The following BBS4 variants were observed in gnomAD, a reference collection of about 807,000 sequenced individuals.
BBS4 encodes Bardet-Biedl syndrome 4, also known as BBSome complex member BBS4.
In BBS4, 58 loss-of-function variants were observed where a neutral mutation model predicts 71.4. The ratio of observed to expected loss-of-function variants is 0.81; its 90% confidence interval spans 0.66 to 1.01. BBS4 has a LOEUF of 1.01. Among genes scored for constraint, BBS4 ranks in the 50% least tolerant of loss-of-function variants. The pLI is 0.00. For missense variants in BBS4, 660 were observed against 607.9 expected, an observed-to-expected ratio of 1.09 and a Z score of -0.90; for synonymous variants, 228 against 216.8, an observed-to-expected ratio of 1.05 and a Z score of -0.46.
Position 72,712,295 on chromosome 15 carries a change from A to G in BBS4, c.208A>G (p.Ile70Val), listed in dbSNP as rs142692981. 365 of 1,613,830 alleles carry G rather than the reference A, an allele frequency of 2.3e-4. No homozygotes were observed. The African/African-American group carries it at 4.4e-3, about 20-fold the overall frequency. The part of the protein sequence containing the change: ...QETQGLCEYA[I>V]YVQALIFRLE... ...GACTCAGGGATTGTGTGAATATGCTATCTATGTCCAAGGTAAGACACATAC... is the reference window on the plus strand; with the variant it reads ...GACTCAGGGATTGTGTGAATATGCTGTCTATGTCCAAGGTAAGACACATAC... The change falls in exon 4 of 16, where the codon ATC becomes GTC. Residue 70 changes from isoleucine (I) to valine (V), a missense_variant. Coordinates refer to ENST00000268057, the MANE Select transcript of BBS4 (RefSeq NM_033028.5).
intron 3 of BBS4, among the ~76,000 whole-genome samples, chr15:72,710,632 G>GT (rs2065352542): frequency 1.3e-5 from 2 of 152,144 alleles, no homozygotes; most frequent in African/African-American, 4.8e-5. Flanking sequence ...CAGGCAGACA[G>GT]TGGTAGTACT....
intron 13 of BBS4, 166 bp from the exon 14 acceptor site, chr15:72,735,659 T>C: frequency 1.1e-6 from 1 of 892,078 alleles, no homozygotes; most frequent in Non-Finnish European, 1.8e-6. Flanking sequence ...CATTAACTCC[T>C]TGATTCTTCT....
At chr15:72,692,976 G>A (rs1042899325) in intron 1 of BBS4, among the ~76,000 whole-genome samples, 1 of 151,828 alleles carries the variant, frequency 6.6e-6, no homozygotes, top group African/African-American at 2.4e-5. Flanking sequence ...ATTTCCATCT[G>A]TTACCCCTCC....
chr15:72,725,437 C>A (rs1030026229), intron 8 of BBS4, among the ~76,000 whole-genome samples: 1 of 152,048 alleles, frequency 6.6e-6, no homozygotes, highest in Admixed American at 6.6e-5. Context: ...TGGTTCAAAA[C>A]TACATGATAG....
At chr15:72,721,030 G>A (rs748256634) in intron 6 of BBS4, among the ~76,000 whole-genome samples, 1 of 152,158 alleles carries the variant, frequency 6.6e-6, no homozygotes. Flanking sequence ...GACAAGAAAG[G>A]CTTTATTTCT....
At chr15:72,686,830 A>T (rs369984222) in intron 1 of BBS4, 7 of 331,976 alleles carry the variant, frequency 2.1e-5, no homozygotes, top group East Asian at 7.9e-5. Context: ...CTATAATTGG[A>T]TCTAATTTCG....
chr15:72,731,515 T>A lies in BBS4; in HGVS notation c.865-40T>A, dbSNP rs778742287. On this transcript the variant is annotated intron_variant, in intron 11 of 15. Transcript: ENST00000268057. ...TCTACATGTGGTTATTGGGTCTGTT[T>A]AGCTTGCCCTTCTCATTGAGTGCCC... 2.7e-5 allele frequency: 43 copies of A among 1,614,112 alleles called. 1 individual carries two copies. The South Asian group carries it at 4.6e-4, about 17-fold the overall frequency.
At chr15:72,725,797 TCCCCCATC>T (rs2065669422) in intron 8 of BBS4, among the ~76,000 whole-genome samples, 1 of 29,894 alleles carries the variant, frequency 3.3e-5, no homozygotes, top group Non-Finnish European at 6.1e-5. Flanking sequence ...CCTTCCCTCT[TCCCCCATC>T]CCCCTTCCCC....
chr15:72,721,718 T>C (rs2065580834), intron 6 of BBS4, among the ~76,000 whole-genome samples: 1 of 152,214 alleles, frequency 6.6e-6, no homozygotes, highest in Non-Finnish European at 1.5e-5. Context: ...TCAGTTGTTA[T>C]CTCTGAGCCT....
chr15:72,693,183 T>A (rs1334909021), intron 1 of BBS4, among the ~76,000 whole-genome samples: 1 of 152,274 alleles, frequency 6.6e-6, no homozygotes, highest in African/African-American at 2.4e-5. Context: ...TAGTTCTTAA[T>A]GTATTTTAAT....
rs1274748117 is a variant in BBS4 at position 72,736,899 on chromosome 15, G to A, written c.1386G>A (p.Leu462=). The change falls in exon 15 of 16, where the codon CTG becomes CTA. Residue 462 remains leucine (L), a synonymous_variant. Transcript: ENST00000268057. Reference sequence around the variant, plus strand: ...AACCTGCCAGTTTCCAGCAGCCTCTGGGCTCTAATCAAGCTCTAGGACAGG... The same window carrying A: ...AACCTGCCAGTTTCCAGCAGCCTCTAGGCTCTAATCAAGCTCTAGGACAGG... ...TSKPASFQQP[L]GSNQALGQAM... 1 of 1,614,190 alleles carries A rather than the reference G, an allele frequency of 6.2e-7. No homozygotes were observed. Among genetic ancestry groups the A allele is most frequent in the Non-Finnish European group, 8.5e-7 (1 of 1,180,042 alleles).
chr15:72,694,715 T>A (rs1045833283), intron 1 of BBS4, among the ~76,000 whole-genome samples: 2 of 152,156 alleles, frequency 1.3e-5, no homozygotes, highest in Non-Finnish European at 2.9e-5. Context: ...CATTTGATGG[T>A]TTTCTATGAG....
chr15:72,703,617 A>G (rs537174869), intron 2 of BBS4, among the ~76,000 whole-genome samples: 1 of 152,220 alleles, frequency 6.6e-6, no homozygotes, highest in South Asian at 2.1e-4. Flanking sequence ...AGGCCCAGAG[A>G]AGTGAAATAA....
At chr15:72,689,643 C>T (rs879014308) in intron 1 of BBS4, among the ~76,000 whole-genome samples, 1 of 151,814 alleles carries the variant, frequency 6.6e-6, no homozygotes, top group Non-Finnish European at 1.5e-5. Flanking sequence ...TCATCTGAGC[C>T]TGGGGGAAGT....
At chr15:72,721,490 A>G (rs890897127) in intron 6 of BBS4, among the ~76,000 whole-genome samples, 23 of 152,134 alleles carry the variant, frequency 1.5e-4, no homozygotes, top group Admixed American at 1.5e-3. Flanking sequence ...AAAAATCCCA[A>G]TACTCTCTGT....
intron 6 of BBS4, among the ~76,000 whole-genome samples, chr15:72,720,914 C>G (rs1350284344): frequency 6.6e-6 from 1 of 152,196 alleles, no homozygotes; most frequent in Non-Finnish European, 1.5e-5. Context: ...TTGCTGCCTT[C>G]TCAACTATCT....
intron 9 of BBS4, among the ~76,000 whole-genome samples, chr15:72,729,311 C>T (rs1285868908): frequency 4.9e-5 from 7 of 143,624 alleles, no homozygotes; most frequent in East Asian, 2.1e-4. Flanking sequence ...AGTGCAATGG[C>T]GTGATCTCGG....
intron 6 of BBS4, chr15:72,717,365 G>GTT: frequency 1.4e-5 from 2 of 146,392 alleles, no homozygotes; most frequent in South Asian, 4.3e-4. Context: ...ATTCGTTTTT[G>GTT]TTTTTTTTTT....
At chr15:72,722,706 A>G (rs2065599256) in intron 6 of BBS4, 88 bp from the exon 7 acceptor site, 6 of 1,244,026 alleles carry the variant, frequency 4.8e-6, no homozygotes, top group Non-Finnish European at 5.9e-6. Context: ...TTGCCGAGCA[A>G]TAACAATCTC....
Sources: allele counts gnomAD v4.1 joint callset (sites outside exome capture counted in the v4.1 genomes callset), GRCh38; gene constraint gnomAD v4.1.1; transcripts MANE v1.5; gene names NCBI Gene and HGNC (gene_info 2026-07-23, HGNC 2026-07-21).